The following MICU1 variants were observed in gnomAD, a reference collection of about 807,000 sequenced individuals.
The protein encoded by MICU1 is calcium uptake protein 1, mitochondrial.
A neutral mutation model predicts 56.8 loss-of-function variants in MICU1; 45 were observed. The observed-to-expected ratio is 0.79, with a 90% CI of 0.62 to 1.02. The LOEUF (loss-of-function observed/expected upper bound fraction) is 1.02. MICU1 is among the 50% of genes least tolerant of loss of function. MICU1 has a pLI of 0.00. For synonymous variants in MICU1, 186 were observed against 195.1 expected, an observed-to-expected ratio of 0.95 and a Z score of 0.39; for missense variants, 504 against 587.1, an observed-to-expected ratio of 0.86 and a Z score of 1.46.
chr10:72,427,654 C>A (rs1206736872), intron 8 of MICU1, among the ~76,000 whole-genome samples: 1 of 151,450 alleles, frequency 6.6e-6, no homozygotes, highest in African/African-American at 2.4e-5. Context: ...AATCCCAGCA[C>A]TTTCGGAGGC....
intron 1 of MICU1, among the ~76,000 whole-genome samples, chr10:72,600,017 C>T (rs973593279): frequency 6.6e-6 from 1 of 152,216 alleles, no homozygotes; most frequent in Non-Finnish European, 1.5e-5. Flanking sequence ...CATGGCCAGG[C>T]ATGGTGGCTC....
intron 10 of MICU1, among the ~76,000 whole-genome samples, chr10:72,401,103 G>A (rs1418488273): frequency 1.3e-5 from 2 of 151,854 alleles, no homozygotes; most frequent in Non-Finnish European, 2.9e-5. Flanking sequence ...AGCCCAGCTT[G>A]GAAGTACTAA....
chr10:72,421,015 A>AT (rs1564857501), intron 9 of MICU1, among the ~76,000 whole-genome samples: 8 of 141,202 alleles, frequency 5.7e-5, no homozygotes, highest in Admixed American at 7.2e-5. Flanking sequence ...AAAAAAAAAA[A>AT]AAATAATAAT....
At chr10:72,375,519 T>A (rs182853651) in intron 11 of MICU1, among the ~76,000 whole-genome samples, 4 of 152,354 alleles carry the variant, frequency 2.6e-5, no homozygotes, top group Non-Finnish European at 4.4e-5. Context: ...TTTCCATTTT[T>A]AAGATGCTTA....
At chr10:72,434,171 C>T (rs1296123122) in intron 8 of MICU1, among the ~76,000 whole-genome samples, 1 of 152,024 alleles carries the variant, frequency 6.6e-6, no homozygotes, top group African/African-American at 2.4e-5. Context: ...ATCTTCCTTA[C>T]TTAGAAAAAT....
At chr10:72,538,871 G>A (rs889508910) in intron 4 of MICU1, among the ~76,000 whole-genome samples, 1 of 151,438 alleles carries the variant, frequency 6.6e-6, no homozygotes, top group African/African-American at 2.4e-5. Context: ...TCACCAGTAA[G>A]GACACAAACA....
chr10:72,477,521 A>G, intron 6 of MICU1: 1 of 1,535,794 alleles, frequency 6.5e-7, no homozygotes, highest in Non-Finnish European at 8.7e-7. Flanking sequence ...TTTGCCTTAA[A>G]TGATTTAGCT....
intron 4 of MICU1, among the ~76,000 whole-genome samples, chr10:72,546,810 C>G (rs915192800): frequency 1.3e-5 from 2 of 151,984 alleles, no homozygotes; most frequent in African/African-American, 4.8e-5. Flanking sequence ...ACTGTAACCT[C>G]AAACTCCTGG....
intron 5 of MICU1, among the ~76,000 whole-genome samples, chr10:72,525,341 A>G (rs1867932554): frequency 6.6e-6 from 1 of 152,184 alleles, no homozygotes. Flanking sequence ...TTCTAACCAC[A>G]CTGAATAGCA....
intron 6 of MICU1, among the ~76,000 whole-genome samples, chr10:72,488,080 C>T (rs1022062252): frequency 1.3e-5 from 2 of 151,574 alleles, no homozygotes. Flanking sequence ...CCTGTAATCC[C>T]AGCTACTCGG....
At chr10:72,452,713 G>A (rs1012741602) in intron 8 of MICU1, among the ~76,000 whole-genome samples, 4 of 152,118 alleles carry the variant, frequency 2.6e-5, no homozygotes, top group South Asian at 4.1e-4. Flanking sequence ...CACTGAAATC[G>A]CCTAATGATG....
intron 5 of MICU1, among the ~76,000 whole-genome samples, chr10:72,510,910 A>T (rs1867426956): frequency 6.6e-6 from 1 of 152,192 alleles, no homozygotes. Flanking sequence ...GGGATTACAG[A>T]TGTAAGCCAC....
At chr10:72,393,868 C>A (rs1053659500) in intron 10 of MICU1, among the ~76,000 whole-genome samples, 1 of 152,120 alleles carries the variant, frequency 6.6e-6, no homozygotes, top group South Asian at 2.1e-4. Flanking sequence ...CTGGTTCAAG[C>A]GATTCTCCTG....
In MICU1 at chr10:72,533,899, A is replaced by G. The variant is rs562962245; in HGVS notation, c.494-110T>C. 9 of 720,938 alleles carry G rather than the reference A, an allele frequency of 1.2e-5. No homozygotes were observed. In the African/African-American group the frequency reaches 1.4e-4, roughly 11 times the overall value. 44.7% of individuals were successfully genotyped at this position (720,938 alleles called of 1,614,324 possible). On this transcript the variant is annotated intron_variant, in intron 4 of 11. Transcript: ENST00000361114. ...AGTCATTCAGTTAAAAGTACAAAACATTTATTCAAAGGCCACAGGAATGAA... is the reference window on the plus strand; with the variant it reads ...AGTCATTCAGTTAAAAGTACAAAACGTTTATTCAAAGGCCACAGGAATGAA...
At chr10:72,547,188 C>T (rs533908180) in intron 4 of MICU1, among the ~76,000 whole-genome samples, 14 of 151,940 alleles carry the variant, frequency 9.2e-5, no homozygotes, top group Admixed American at 2.0e-4. Flanking sequence ...CCACCACGCC[C>T]GGCCTCTGCT....
In MICU1 at chr10:72,551,247, T is replaced by G. The variant is rs1262358815; in HGVS notation, c.425A>C (p.Glu142Ala). ...ATLKVISEPG[E>A]AEVFMTPEDF... The stretch of plus-strand genomic sequence containing the variant: ...TTCTGGTGTCATAAACACTTCTGCT[T>G]CACCAGGCTCACTGATGACTTTCAA... Residue 142 changes from glutamate to alanine, a missense_variant, in exon 4 of 12, where the codon GAA becomes GCA. Glu to Ala is a moderately radical substitution (Grantham distance 107). Transcript: ENST00000361114. 3 of 1,613,302 alleles carry G rather than the reference T, an allele frequency of 1.9e-6. No individual in the cohort carries two copies. The highest frequency in any genetic ancestry group is 2.5e-6 in the Non-Finnish European group (3 of 1,179,548).
rs768605074 is a variant in MICU1 at position 72,436,162 on chromosome 10, C to T, written c.934-12791G>A. ...GGGGCTGACAGACACCTCATATAGG[C>T]GGCTGCCCCTCTGGAACGACACTTC... is the stretch of plus-strand genomic sequence containing the variant. On this transcript the variant is annotated intron_variant, in intron 8 of 11. Coordinates refer to ENST00000361114, the MANE Select transcript of MICU1 (RefSeq NM_001195518.2). Among the ~76,000 whole-genome samples, 112 of 152,300 alleles carry T rather than the reference C, an allele frequency of 7.4e-4. 2 individuals are homozygous for T. Among genetic ancestry groups the T allele is most frequent in the Admixed American group, 1.0e-3 (16 of 15,290 alleles).
chr10:72,462,236 A>G (rs1227530191), intron 8 of MICU1, among the ~76,000 whole-genome samples: 1 of 135,880 alleles, frequency 7.4e-6, no homozygotes. Flanking sequence ...TTTTTTTTTG[A>G]GCCAGGGTCT....
At chr10:72,477,696 C>A (rs1393665886) in intron 6 of MICU1, 2 of 676,462 alleles carry the variant, frequency 3.0e-6, no homozygotes, top group African/African-American at 3.7e-5. Context: ...AACAAGCCAG[C>A]TTTCTACTTT....
Sources: gnomAD v4.1 joint callset for allele counts (sites outside exome capture counted in the v4.1 genomes callset) on GRCh38, gnomAD v4.1.1 for gene constraint, MANE v1.5 for transcripts, NCBI Gene and HGNC (gene_info 2026-07-23, HGNC 2026-07-21) for gene names.